The following NECTIN4 variants were observed in gnomAD, a reference collection of about 807,000 sequenced individuals.
NECTIN4 encodes the protein nectin cell adhesion molecule 4, also known as nectin-4.
NECTIN4 carries 19 observed loss-of-function variants against 51.7 expected under a neutral mutation model. That is an observed-to-expected ratio of 0.37 (90% CI 0.26 to 0.54). The LOEUF (loss-of-function observed/expected upper bound fraction) is 0.54, where lower values mean the gene tolerates loss of function less well. NECTIN4 is among the 20% of genes least tolerant of loss of function. NECTIN4 has a pLI of 0.86. For synonymous variants in NECTIN4, 283 were observed against 286.9 expected, an observed-to-expected ratio of 0.99 and a Z score of 0.14; for missense variants, 619 against 662.4, an observed-to-expected ratio of 0.93 and a Z score of 0.72.
At chr1:161,087,006 C>G (rs1230282658) in intron 1 of NECTIN4, 2 of 152,322 alleles carry the variant, frequency 1.3e-5, no homozygotes, top group African/African-American at 4.8e-5. Flanking sequence ...TAGAGATCAT[C>G]TGGTCCTAGC....
intron 8 of NECTIN4, 49 bp downstream of exon 8, chr1:161,073,176 A>G: frequency 2.0e-6 from 3 of 1,511,384 alleles, no homozygotes; most frequent in Non-Finnish European, 2.8e-6. Flanking sequence ...GGACCAGGAC[A>G]GGGGCCCGAG....
In NECTIN4 at chr1:161,077,574, G is replaced by A. The variant is rs1423351278; in HGVS notation, c.609C>T (p.Ala203=). The A allele has an allele frequency of 6.2e-6, 10 of 1,613,880 alleles. No homozygotes were observed. The highest frequency in any genetic ancestry group is 1.3e-5 in the African/African-American group (1 of 74,932). Residue 203 remains alanine (A), a synonymous_variant, in exon 3 of 9, where the codon GCC becomes GCT. Coordinates refer to ENST00000368012, the MANE Select transcript of NECTIN4 (RefSeq NM_030916.3). Reference sequence around the variant, plus strand: ...GCACCAAGTGGAACTCTGAGGTGACGGCAGCAGAGCGGGAGTGCTTGAAGG... The same window carrying A: ...GCACCAAGTGGAACTCTGAGGTGACAGCAGCAGAGCGGGAGTGCTTGAAGG... ...SRSFKHSRSA[A]VTSEFHLVPS...
chr1:161,078,409 G>A (rs1653516453), intron 2 of NECTIN4, among the ~76,000 whole-genome samples: 1 of 152,036 alleles, frequency 6.6e-6, no homozygotes, highest in South Asian at 2.1e-4. Flanking sequence ...CTGGGTTCAA[G>A]CAATTCTCCT....
intron 1 of NECTIN4, among the ~76,000 whole-genome samples, chr1:161,085,219 A>T (rs1350601312): frequency 6.6e-6 from 1 of 151,802 alleles, no homozygotes; most frequent in Non-Finnish European, 1.5e-5. Flanking sequence ...ACGCCCACCC[A>T]CAGATTAGTG....
At chr1:161,085,932 G>C (rs981786620) in intron 1 of NECTIN4, among the ~76,000 whole-genome samples, 1 of 152,130 alleles carries the variant, frequency 6.6e-6, no homozygotes, top group Admixed American at 6.5e-5. Flanking sequence ...GGATTCACCT[G>C]CCTTGGCCTC....
intron 1 of NECTIN4, among the ~76,000 whole-genome samples, chr1:161,081,990 G>A (rs1403031286): frequency 1.3e-5 from 2 of 152,132 alleles, no homozygotes; most frequent in African/African-American, 4.8e-5. Context: ...GTGAATGAAT[G>A]AACAGGTGAA....
intron 2 of NECTIN4, 21 bp from the exon 3 acceptor site, chr1:161,077,764 G>C (rs1422866678): frequency 1.9e-6 from 3 of 1,599,960 alleles, no homozygotes; most frequent in East Asian, 2.2e-5. Context: ...GGAAAGGCAG[G>C]GGTCACAGGT....
chr1:161,075,433 A>G (rs1409392841), intron 4 of NECTIN4, among the ~76,000 whole-genome samples: 1 of 152,270 alleles, frequency 6.6e-6, no homozygotes, highest in African/African-American at 2.4e-5. Flanking sequence ...ACATAAATAT[A>G]TAAAATATTA....
chr1:161,084,527 T>C (rs1653839523), intron 1 of NECTIN4: 1 of 152,238 alleles, frequency 6.6e-6, no homozygotes, highest in Non-Finnish European at 1.5e-5. Context: ...TGAAGACATA[T>C]TAATCTCAGG....
chr1:161,085,093 G>T (rs983341630), intron 1 of NECTIN4: 1 of 152,414 alleles, frequency 6.6e-6, no homozygotes, highest in East Asian at 1.9e-4. Flanking sequence ...TGGCCTTGGA[G>T]TGCTAAGGAA....
intron 7 of NECTIN4, 115 bp from the exon 8 acceptor site, chr1:161,073,414 G>A (rs1653269172): frequency 1.2e-6 from 1 of 855,844 alleles, no homozygotes; most frequent in South Asian, 1.5e-5. Context: ...CAACCCAACA[G>A]GTCCATTCTC....
chr1:161,087,334 A>G (rs1214023632), intron 1 of NECTIN4: 3 of 152,244 alleles, frequency 2.0e-5, no homozygotes, highest in South Asian at 4.2e-4. Flanking sequence ...TTCCTGGGGC[A>G]ATCTGGAGCC....
chr1:161,082,197 CG>C, intron 1 of NECTIN4, among the ~76,000 whole-genome samples: 1 of 152,086 alleles, frequency 6.6e-6, no homozygotes, highest in South Asian at 2.1e-4. Flanking sequence ...GGCGTGGTGG[CG>C]GGCGCCTGTA....
At chr1:161,084,102 G>A (rs1653818633) in intron 1 of NECTIN4, among the ~76,000 whole-genome samples, 1 of 152,212 alleles carries the variant, frequency 6.6e-6, no homozygotes, top group South Asian at 2.1e-4. Context: ...TTTTGTGTAT[G>A]GGGAGCTGTG....
rs1653199329 is a variant in NECTIN4, at chr1:161,072,254, C to T, written c.*407G>A. On this transcript the variant is annotated 3_prime_UTR_variant, in exon 9 of 9. Coordinates refer to ENST00000368012, the MANE Select transcript of NECTIN4 (RefSeq NM_030916.3). Reference sequence around the variant, plus strand: ...CCTGCTTTTTCAGGCAGAGGTCACACACAGCCACATGACACACACGCCAAA... The same window carrying T: ...CCTGCTTTTTCAGGCAGAGGTCACATACAGCCACATGACACACACGCCAAA... 2.9e-6 allele frequency: 1 copy of T among 347,922 alleles called. No homozygotes were observed. The highest frequency in any genetic ancestry group is 2.1e-5 in the African/African-American group (1 of 47,030). 21.6% of individuals were successfully genotyped at this position (347,922 alleles called of 1,614,324 possible).
Position 161,073,218 on chromosome 1 carries a change from G to A in NECTIN4, c.1308+7C>T, listed in dbSNP as rs745478657. ...GGTGGGGACACCGGTGGGGCCGGGGGCCTCACCATCACAGAGCAGCTACTG... is the reference window on the plus strand; with the variant it reads ...GGTGGGGACACCGGTGGGGCCGGGGACCTCACCATCACAGAGCAGCTACTG... On this transcript the variant is annotated splice_region_variant and intron_variant, in intron 8 of 8. Transcript: ENST00000368012. 5.0e-6 allele frequency: 8 copies of A among 1,612,908 alleles called. No homozygotes were observed. Among genetic ancestry groups the A allele is most frequent in the Admixed American group, 3.3e-5 (2 of 60,002 alleles).
intron 1 of NECTIN4, among the ~76,000 whole-genome samples, chr1:161,088,825 T>C (rs1328751970): frequency 1.3e-5 from 2 of 152,068 alleles, no homozygotes; most frequent in Admixed American, 6.6e-5. Flanking sequence ...AGGCAGCCGT[T>C]CCAGAGCCCA....
At position 161,077,750 on chromosome 1, in the gene NECTIN4, A is replaced by G. The variant is rs749852753; in HGVS notation, c.440-7T>C. Reference sequence around the variant, plus strand: ...AGTGAGGGCAGGGGAGGCACTGCAAATGGGGAAAGGCAGGGGTCACAGGTC... The same window carrying G: ...AGTGAGGGCAGGGGAGGCACTGCAAGTGGGGAAAGGCAGGGGTCACAGGTC... On this transcript the variant is annotated splice_polypyrimidine_tract_variant and splice_region_variant and intron_variant, in intron 2 of 8. Coordinates refer to ENST00000368012, the MANE Select transcript of NECTIN4 (RefSeq NM_030916.3). 4.4e-6 allele frequency: 7 copies of G among 1,604,214 alleles called. No individual in the cohort carries two copies. In the African/African-American group the frequency reaches 9.4e-5, roughly 21 times the overall value.
At chr1:161,085,494 A>G (rs1002380649) in intron 1 of NECTIN4, among the ~76,000 whole-genome samples, 1 of 151,940 alleles carries the variant, frequency 6.6e-6, no homozygotes, top group Admixed American at 6.6e-5. Context: ...GCTCTGCCCC[A>G]TCCCAAATCA....
Sources: gnomAD v4.1 joint callset for allele counts (sites outside exome capture counted in the v4.1 genomes callset) on GRCh38, gnomAD v4.1.1 for gene constraint, MANE v1.5 for transcripts, NCBI Gene and HGNC (gene_info 2026-07-23, HGNC 2026-07-21) for gene names.